AAK1: variants seen among roughly 807,000 people sequenced by gnomAD.
AAK1 encodes AP2-associated protein kinase 1.
Under a neutral mutation model 116.0 loss-of-function variants are expected in AAK1, and 37 were observed. The observed-to-expected ratio is 0.32, with a 90% CI of 0.25 to 0.42. The LOEUF (loss-of-function observed/expected upper bound fraction) is 0.42. AAK1 is among the 10% of genes least tolerant of loss of function. The probability of loss-of-function intolerance (pLI) is 1.00; values close to 1 mark genes in which losing one functional copy is unlikely to be tolerated. For synonymous variants in AAK1, 458 were observed against 439.9 expected (o/e 1.04, Z -0.51); for missense variants, 919 against 1,170.6 (o/e 0.79, Z 3.14).
intron 2 of AAK1, among the ~76,000 whole-genome samples, chr2:69,634,150 A>T (rs1675344696): frequency 6.6e-6 from 1 of 151,920 alleles, no homozygotes; most frequent in South Asian, 2.1e-4. Context: ...AGCCTGGGCG[A>T]CAGCAAGACT....
Position 69,466,044 on chromosome 2 carries a change from G to A in AAK1, c.*9825C>T. 1 of 1,290,968 alleles carries A rather than the reference G, an allele frequency of 7.7e-7. No individual in the cohort carries two copies. Among genetic ancestry groups the A allele is most frequent in the South Asian group, 1.2e-5 (1 of 81,026 alleles). The allele number at this position is 1,290,968 out of a possible 1,614,324, so 80.0% of individuals were successfully genotyped here. On this transcript the variant is annotated 3_prime_UTR_variant, in exon 22 of 22. Transcript: ENST00000409085. Reference sequence around the variant, plus strand: ...CTGGGAAGGAGCCATACTGCTCTTGGAGACAAATGGGGCTTTGGAGAAAAT... The same window carrying A: ...CTGGGAAGGAGCCATACTGCTCTTGAAGACAAATGGGGCTTTGGAGAAAAT...
intron 2 of AAK1, among the ~76,000 whole-genome samples, chr2:69,621,062 T>C (rs781186180): frequency 3.3e-5 from 5 of 152,234 alleles, no homozygotes; most frequent in East Asian, 1.9e-4. Flanking sequence ...TATACACTCA[T>C]AGTACTTCCT....
chr2:69,599,810 C>T (rs924117646), intron 2 of AAK1, among the ~76,000 whole-genome samples: 2 of 152,128 alleles, frequency 1.3e-5, no homozygotes, highest in African/African-American at 4.8e-5. Flanking sequence ...CGGGGTCTCA[C>T]TCTGTCACTG....
In AAK1 at chr2:69,487,787, CTT is replaced by C. The variant is rs1177565486; in HGVS notation, c.2366-4977_2366-4976del. The stretch of plus-strand genomic sequence containing the variant: ...TGCATTAGTATTTTTTGTTTGTTTG[CTT>C]TTTTTTTTTTTTTTTTTGAGACAGA... On this transcript the variant is annotated intron_variant, in intron 17 of 21. Transcript: ENST00000409085. 4.0e-3 allele frequency among the ~76,000 whole-genome samples: 486 copies of C among 122,758 alleles called. 6 individuals are homozygous for C. The highest frequency in any genetic ancestry group is 0.013 in the Admixed American group (156 of 12,064). The allele number at this position is 122,758 out of a possible 152,430, so 80.5% of individuals were successfully genotyped here.
intron 2 of AAK1, among the ~76,000 whole-genome samples, chr2:69,571,462 T>C (rs1009966150): frequency 2.0e-5 from 3 of 152,240 alleles, no homozygotes; most frequent in South Asian, 4.1e-4. Flanking sequence ...GAGGTTCCCT[T>C]GTACTTATCC....
chr2:69,629,632 A>G (rs771210812), intron 2 of AAK1, among the ~76,000 whole-genome samples: 29 of 152,196 alleles, frequency 1.9e-4, no homozygotes, highest in Non-Finnish European at 3.2e-4. Context: ...ATAGGGATAA[A>G]TAAGGGAGGT....
At chr2:69,521,661 C>G (rs549788445) in intron 10 of AAK1, among the ~76,000 whole-genome samples, 2 of 152,340 alleles carry the variant, frequency 1.3e-5, no homozygotes, top group South Asian at 4.1e-4. Flanking sequence ...TGCCCAGTCT[C>G]TTTTGAAAAC....
intron 5 of AAK1, among the ~76,000 whole-genome samples, chr2:69,535,739 G>C (rs1670441233): frequency 6.6e-6 from 1 of 152,060 alleles, no homozygotes; most frequent in Non-Finnish European, 1.5e-5. Context: ...GAGGCACAGA[G>C]GCAGGCCACT....
chr2:69,489,320 G>A (rs1352728115), intron 17 of AAK1, among the ~76,000 whole-genome samples: 9 of 151,838 alleles, frequency 5.9e-5, no homozygotes, highest in African/African-American at 2.2e-4. Flanking sequence ...GCGTGGTGGC[G>A]CATGCCTGTA....
chr2:69,589,686 G>A (rs922232382), intron 2 of AAK1, among the ~76,000 whole-genome samples: 1 of 139,994 alleles, frequency 7.1e-6, no homozygotes, highest in African/African-American at 2.7e-5. Context: ...TCCAGCCTGG[G>A]CAACAAAGAG....
intron 2 of AAK1, among the ~76,000 whole-genome samples, chr2:69,625,669 C>T (rs1674865145): frequency 6.6e-6 from 1 of 151,758 alleles, no homozygotes; most frequent in African/African-American, 2.4e-5. Context: ...GGTATACACT[C>T]CAGAAGACAG....
rs1674266569 is a variant in AAK1 at position 69,458,550 on chromosome 2, C to T, written c.*17319G>A. 1 of 152,704 alleles carries T rather than the reference C, an allele frequency of 6.5e-6. No individual in the cohort carries two copies. The highest frequency in any genetic ancestry group is 2.4e-5 in the African/African-American group (1 of 41,548). The allele number at this position is 152,704 out of a possible 1,614,324, so 9.5% of individuals were successfully genotyped here. A position where few individuals can be genotyped will look rare whatever the true frequency, so the allele number is the denominator to read the frequency against. ...ATGGCTGATTTCCCCAACCTTTTAT[C>T]GCGAAGAACTCCAGTTGTAACTTTT... On this transcript the variant is annotated 3_prime_UTR_variant, in exon 22 of 22. Coordinates refer to ENST00000409085, the MANE Select transcript of AAK1 (RefSeq NM_014911.5).
At chr2:69,613,333 G>T (rs1003611972) in intron 2 of AAK1, among the ~76,000 whole-genome samples, 9 of 152,186 alleles carry the variant, frequency 5.9e-5, no homozygotes, top group Non-Finnish European at 1.0e-4. Flanking sequence ...TGGTAGGGGT[G>T]ATAGGAGCAT....
intron 2 of AAK1, among the ~76,000 whole-genome samples, chr2:69,610,169 T>C (rs1366842493): frequency 3.3e-5 from 5 of 150,840 alleles, no homozygotes; most frequent in East Asian, 1.9e-4. Flanking sequence ...TAGAGACTAA[T>C]AGAATAAAAT....
chr2:69,521,078 G>A (rs1403754647), intron 10 of AAK1, 90 bp from the exon 11 acceptor site: 12 of 1,391,992 alleles, frequency 8.6e-6, no homozygotes, highest in East Asian at 4.7e-5. Flanking sequence ...CTTCCACATC[G>A]ACCCAAACCT....
intron 2 of AAK1, among the ~76,000 whole-genome samples, chr2:69,588,455 C>G (rs1218348460): frequency 6.6e-6 from 1 of 152,162 alleles, no homozygotes; most frequent in Non-Finnish European, 1.5e-5. Flanking sequence ...GAAGAGTAAA[C>G]CCATTCCCTT....
chr2:69,468,036 G>C lies in AAK1; in HGVS notation c.*7833C>G. On this transcript the variant is annotated 3_prime_UTR_variant, in exon 22 of 22. Transcript: ENST00000409085. ...TTCTAACAGTTTGAATGCGTTCAGT[G>C]AATTCCAGATTGGGGCGTTAAGTTA... is the stretch of plus-strand genomic sequence containing the variant. 1 of 985,430 alleles carries C rather than the reference G, an allele frequency of 1.0e-6. No individual in the cohort carries two copies. Among genetic ancestry groups the C allele is most frequent in the Non-Finnish European group, 1.2e-6 (1 of 829,922 alleles). 61.0% of individuals were successfully genotyped at this position (985,430 alleles called of 1,614,324 possible).
intron 17 of AAK1, among the ~76,000 whole-genome samples, chr2:69,494,010 C>A (rs1000485858): frequency 6.6e-6 from 1 of 152,180 alleles, no homozygotes; most frequent in Admixed American, 6.5e-5. Flanking sequence ...TTTATGCCCC[C>A]TCAGTGATAT....
intron 17 of AAK1, among the ~76,000 whole-genome samples, chr2:69,495,155 T>G (rs919203338): frequency 2.6e-5 from 4 of 152,192 alleles, no homozygotes; most frequent in Admixed American, 2.6e-4. Context: ...AATTTGCTTT[T>G]GTGAAGAGAC....
Sources: gnomAD v4.1 joint callset for allele counts (sites outside exome capture counted in the v4.1 genomes callset) on GRCh38, gnomAD v4.1.1 for gene constraint, MANE v1.5 for transcripts, NCBI Gene and HGNC (gene_info 2026-07-23, HGNC 2026-07-21) for gene names.